Variants in SHISA9 observed in about 807,000 individuals in gnomAD.
The protein encoded by SHISA9 is shisa family member 9.
In SHISA9, 13 loss-of-function variants were observed where a neutral mutation model predicts 38.0. The observed-to-expected ratio is 0.34, with a 90% CI of 0.22 to 0.54. The LOEUF (loss-of-function observed/expected upper bound fraction) is 0.54. Among genes scored for constraint, SHISA9 ranks in the 20% least tolerant of loss-of-function variants. The pLI, the probability that SHISA9 is intolerant of heterozygous loss-of-function variation, is 0.91. For missense variants in SHISA9, 538 were observed against 575.8 expected, an observed-to-expected ratio of 0.93 and a Z score of 0.67; for synonymous variants, 275 against 242.0, an observed-to-expected ratio of 1.14 and a Z score of -1.27.
chr16:13,208,422 C>A (rs187053466), intron 3 of SHISA9, among the ~76,000 whole-genome samples: 3 of 145,798 alleles, frequency 2.1e-5, no homozygotes, highest in Non-Finnish European at 4.4e-5. Flanking sequence ...GACCTCTTTT[C>A]CTTTCTTTTT....
the SHISA9 span, among the ~76,000 whole-genome samples, chr16:13,391,641 C>A: frequency 2.0e-5 from 3 of 152,192 alleles, no homozygotes; most frequent in South Asian, 6.2e-4. Context: ...ATCTCAGTGT[C>A]CAGGTTCCAC....
At chr16:13,111,895 C>T (rs896871472) in intron 2 of SHISA9, among the ~76,000 whole-genome samples, 7 of 152,096 alleles carry the variant, frequency 4.6e-5, no homozygotes, top group Admixed American at 1.3e-4. Flanking sequence ...GGCAGACATT[C>T]GTGGAAACCC....
At chr16:13,282,553 ATTAC>A in the SHISA9 span, among the ~76,000 whole-genome samples, 9 of 152,128 alleles carry the variant, frequency 5.9e-5, no homozygotes, top group East Asian at 1.7e-3. Flanking sequence ...ATGTTTAGCT[ATTAC>A]TTCTTAAAAA....
chr16:13,426,351 G>A, the SHISA9 span, among the ~76,000 whole-genome samples: 1 of 152,210 alleles, frequency 6.6e-6, no homozygotes, highest in Admixed American at 6.5e-5. Context: ...TAGGTACACG[G>A]AGCCAGAAAG....
intron 2 of SHISA9, among the ~76,000 whole-genome samples, chr16:13,093,623 C>T (rs534280641): frequency 7.4e-4 from 113 of 152,220 alleles, no homozygotes; most frequent in Non-Finnish European, 1.0e-3. Flanking sequence ...GGAAAAGTCT[C>T]GTTTCCCTTT....
chr16:13,002,588 A>G (rs2072539394), intron 2 of SHISA9, among the ~76,000 whole-genome samples: 1 of 141,520 alleles, frequency 7.1e-6, no homozygotes, highest in South Asian at 2.2e-4. Context: ...GCTTCAGTGC[A>G]GTGGTGTGAT....
At chr16:13,059,062 C>T (rs975443714) in intron 2 of SHISA9, among the ~76,000 whole-genome samples, 1 of 151,910 alleles carries the variant, frequency 6.6e-6, no homozygotes, top group African/African-American at 2.4e-5. Context: ...GCCTTGGCCC[C>T]CAGTACCTCT....
chr16:13,285,342 G>A, the SHISA9 span, among the ~76,000 whole-genome samples: 1 of 151,730 alleles, frequency 6.6e-6, no homozygotes, highest in African/African-American at 2.4e-5. Flanking sequence ...CACAATAATT[G>A]ATGAAATTTA....
Position 13,073,974 on chromosome 16 carries a change from T to G in SHISA9, c.692-129420T>G, listed in dbSNP as rs577740715. Among the ~76,000 whole-genome samples, 152 of 148,978 alleles carry G rather than the reference T, an allele frequency of 1.0e-3. 4 individuals are homozygous for G. In the South Asian group the frequency reaches 0.013, roughly 13 times the overall value. On this transcript the variant is annotated intron_variant, in intron 2 of 4. Coordinates refer to ENST00000558583, the MANE Select transcript of SHISA9 (RefSeq NM_001145204.3). ...TGCTGGTCGTTTTTTTTTTTGTTTTTTTTTTTTGTGGGGGGTGCAGAGTCT... is the reference window on the plus strand; with the variant it reads ...TGCTGGTCGTTTTTTTTTTTGTTTTGTTTTTTTGTGGGGGGTGCAGAGTCT...
chr16:13,408,190 C>G, the SHISA9 span, among the ~76,000 whole-genome samples: 2 of 152,080 alleles, frequency 1.3e-5, no homozygotes, highest in Non-Finnish European at 2.9e-5. Context: ...TTGTTTAAGC[C>G]ATTTTTACAC....
the SHISA9 span, among the ~76,000 whole-genome samples, chr16:13,263,816 A>C: frequency 1.3e-5 from 2 of 152,236 alleles, no homozygotes; most frequent in Admixed American, 1.3e-4. Context: ...GCTGAATGAT[A>C]GGTACATGAG....
the SHISA9 span, among the ~76,000 whole-genome samples, chr16:13,302,383 T>G: frequency 3.3e-5 from 5 of 152,146 alleles, no homozygotes; most frequent in African/African-American, 1.2e-4. Flanking sequence ...CCTGAGGAGA[T>G]AAGCTTTACT....
At chr16:13,497,067 G>A in the SHISA9 span, among the ~76,000 whole-genome samples, 1 of 152,148 alleles carries the variant, frequency 6.6e-6, no homozygotes, top group Non-Finnish European at 1.5e-5. Context: ...CAAGAGATAT[G>A]AGGAAAAACA....
the SHISA9 span, among the ~76,000 whole-genome samples, chr16:13,504,326 T>G: frequency 2.8e-4 from 43 of 152,246 alleles, no homozygotes; most frequent in Non-Finnish European, 2.6e-4. Flanking sequence ...GTCATTTAAC[T>G]GAAATGACCA....
chr16:13,466,481 G>A, the SHISA9 span, among the ~76,000 whole-genome samples: 9 of 152,266 alleles, frequency 5.9e-5, no homozygotes, highest in East Asian at 1.7e-3. Context: ...AGGAATGAAG[G>A]TTTGGGTCAT....
chr16:13,107,864 AT>A (rs2073942200), intron 2 of SHISA9, among the ~76,000 whole-genome samples: 1 of 152,144 alleles, frequency 6.6e-6, no homozygotes, highest in African/African-American at 2.4e-5. Context: ...GTCAGTATAA[AT>A]TTGAATGGGA....
At chr16:13,191,493 GC>G (rs569354724) in intron 2 of SHISA9, among the ~76,000 whole-genome samples, 104 of 152,302 alleles carry the variant, frequency 6.8e-4, no homozygotes, top group African/African-American at 2.4e-3. Context: ...ATGTTTCAGT[GC>G]GTTGCTAAGC....
At chr16:13,044,885 A>G (rs2073169573) in intron 2 of SHISA9, among the ~76,000 whole-genome samples, 1 of 152,210 alleles carries the variant, frequency 6.6e-6, no homozygotes, top group Non-Finnish European at 1.5e-5. Context: ...TAAAAAGTCA[A>G]ATAAAAACTA....
the SHISA9 span, among the ~76,000 whole-genome samples, chr16:13,382,586 TCTGTAATCCCAC>T: frequency 6.8e-6 from 1 of 147,682 alleles, no homozygotes; most frequent in African/African-American, 2.5e-5. Flanking sequence ...GTGGCTTTCG[TCTGTAATCCCAC>T]CTGTAATCCC....
Sources: allele counts gnomAD v4.1 joint callset (sites outside exome capture counted in the v4.1 genomes callset), GRCh38; gene constraint gnomAD v4.1.1; transcripts MANE v1.5; gene names NCBI Gene and HGNC (gene_info 2026-07-23, HGNC 2026-07-21).